Variants in GRAMD1A observed in about 807,000 individuals in gnomAD.
The protein encoded by GRAMD1A is protein Aster-A.
Under a neutral mutation model 92.0 loss-of-function variants are expected in GRAMD1A, and 50 were observed. That is an observed-to-expected ratio of 0.54 (90% CI 0.43 to 0.69). The LOEUF (loss-of-function observed/expected upper bound fraction) is 0.69, where lower values mean the gene tolerates loss of function less well. GRAMD1A is among the 30% of genes least tolerant of loss of function. The pLI, the probability that GRAMD1A is intolerant of heterozygous loss-of-function variation, is 0.00. For synonymous variants in GRAMD1A, 405 were observed against 403.6 expected, an observed-to-expected ratio of 1.00 and a Z score of -0.04; for missense variants, 819 against 978.9, an observed-to-expected ratio of 0.84 and a Z score of 2.18.
intron 7 of GRAMD1A, among the ~76,000 whole-genome samples, chr19:35,012,057 C>T (rs1056016477): frequency 6.6e-6 from 1 of 152,238 alleles, no homozygotes; most frequent in Non-Finnish European, 1.5e-5. Flanking sequence ...CCCGGGATTC[C>T]AGCCCCATCC....
Position 35,000,422 on chromosome 19 carries a change from A to ATCCCT in GRAMD1A, c.-57_-56insTCCCT. ...AGCGCAGCCCAGCCCCGCGCAGCCC[A>ATCCCT]GCCCTGCCCTGCCCTGCCCTGCCCT... On this transcript the variant is annotated 5_prime_UTR_variant, in exon 1 of 20. Transcript: ENST00000317991. The surrounding 1 kb of genome is among the most constrained non-coding windows in gnomAD (Gnocchi z 4.9). 2 of 1,138,098 alleles carry ATCCCT rather than the reference A, an allele frequency of 1.8e-6. No individual in the cohort carries two copies. The allele number at this position is 1,138,098 out of a possible 1,614,324, so 70.5% of individuals were successfully genotyped here. A position where few individuals can be genotyped will look rare whatever the true frequency, so the allele number is the denominator to read the frequency against.
intron 11 of GRAMD1A, among the ~76,000 whole-genome samples, chr19:35,017,109 AG>A (rs2015695282): frequency 6.6e-6 from 1 of 151,828 alleles, no homozygotes; most frequent in African/African-American, 2.4e-5. Flanking sequence ...CAGGAGGTGG[AG>A]GTTGCAGTGA....
In GRAMD1A at chr19:35,023,259, A is replaced by G. The variant is rs368505221; in HGVS notation, c.1877A>G (p.Asn626Ser). ...CVSLIILIAL[N>S]VLLFYRLWSL... ...AGCCTTATCATCCTCATCGCCCTCAACGTCCTGCTCTTCTACCGCCTCTGG... is the reference window on the plus strand; with the variant it reads ...AGCCTTATCATCCTCATCGCCCTCAGCGTCCTGCTCTTCTACCGCCTCTGG... Residue 626 changes from asparagine to serine, a missense_variant, in exon 18 of 20, where the codon AAC becomes AGC. Asn to Ser is a conservative substitution (Grantham distance 46). Coordinates refer to ENST00000317991, the MANE Select transcript of GRAMD1A (RefSeq NM_020895.5). 64 of 1,613,876 alleles carry G rather than the reference A, an allele frequency of 4.0e-5. No individual in the cohort carries two copies. Among genetic ancestry groups the G allele is most frequent in the Non-Finnish European group, 5.0e-5 (59 of 1,179,924 alleles).
At chr19:35,018,149 A>G in intron 11 of GRAMD1A, among the ~76,000 whole-genome samples, 1 of 151,824 alleles carries the variant, frequency 6.6e-6, no homozygotes, top group Middle Eastern at 3.2e-3. Context: ...CGTCACGCCC[A>G]GCTAATTTTT....
intron 16 of GRAMD1A, 96 bp downstream of exon 16, chr19:35,022,134 T>C: frequency 1.2e-6 from 1 of 831,252 alleles, no homozygotes; most frequent in Non-Finnish European, 1.9e-6. Context: ...AGCTCTCTGC[T>C]TAAGTGGGAG....
chr19:35,021,966 G>A lies in GRAMD1A; in HGVS notation c.1769G>A (p.Arg590His), dbSNP rs555755876. The change falls in exon 16 of 20, where the codon CGC (arginine) becomes CAC (histidine). Residue 590 changes from arginine to histidine, a missense_variant. Transcript: ENST00000317991. This position sits in a 1 kb window ranked among gnomAD's most constrained non-coding sequence, Gnocchi z 5.3. Reference protein sequence around the residue: ...GIHTSGSLSSRFSEPSVDQGP... With the variant: ...GIHTSGSLSSHFSEPSVDQGP... ...TCTCCTGCAGGCTCCCTCAGCTCCC[G>A]CTTCTCCGAACCATCTGTGGACCAG... 2.3e-5 allele frequency: 37 copies of A among 1,614,040 alleles called. No homozygotes were observed. Among genetic ancestry groups the A allele is most frequent in the Non-Finnish European group, 2.9e-5 (34 of 1,179,976 alleles).
chr19:35,013,470 G>T lies in GRAMD1A; in HGVS notation c.720-71G>T. 1.3e-6 allele frequency: 2 copies of T among 1,549,950 alleles called. No individual in the cohort carries two copies. Among genetic ancestry groups the T allele is most frequent in the Non-Finnish European group, 8.9e-7 (1 of 1,128,742 alleles). Reference sequence around the variant, plus strand: ...GGGGGGCCTGAGATGGTTGTATGACGTCTGGAGGATTCAGGAGGGTGTATG... The same window carrying T: ...GGGGGGCCTGAGATGGTTGTATGACTTCTGGAGGATTCAGGAGGGTGTATG... On this transcript the variant is annotated intron_variant, in intron 8 of 19. Transcript: ENST00000317991. The surrounding 1 kb of genome is among the most constrained non-coding windows in gnomAD (Gnocchi z 4.9).
intron 10 of GRAMD1A, chr19:35,015,158 G>C (rs184934467): frequency 6.6e-6 from 1 of 152,454 alleles, no homozygotes; most frequent in Admixed American, 6.5e-5. Flanking sequence ...GCAACAGAGC[G>C]AGACCCTGTC....
Position 35,000,652 on chromosome 19 carries a change from C to T in GRAMD1A, c.8+166C>T, listed in dbSNP as rs2014293198. 6.6e-6 allele frequency among the ~76,000 whole-genome samples: 1 copy of T among 151,608 alleles called. No homozygotes were observed. The highest frequency in any genetic ancestry group is 1.5e-5 in the Non-Finnish European group (1 of 67,812). On this transcript the variant is annotated intron_variant, in intron 1 of 19. Transcript: ENST00000317991. The surrounding 1 kb of genome is among the most constrained non-coding windows in gnomAD (Gnocchi z 4.9). Reference sequence around the variant, plus strand: ...ATCGGGGTGGGGGCGGGGCAGGGGGCCCCCGGGCGAGGGGTGCAGCTGGGG... The same window carrying T: ...ATCGGGGTGGGGGCGGGGCAGGGGGTCCCCGGGCGAGGGGTGCAGCTGGGG...
intron 5 of GRAMD1A, 29 bp from the exon 6 acceptor site, chr19:35,010,255 G>A (rs541200378): frequency 1.2e-5 from 19 of 1,590,652 alleles, no homozygotes; most frequent in East Asian, 8.9e-5. Context: ...GCCCCACCCC[G>A]CTCCTATTGA....
upstream of GRAMD1A, chr19:34,996,323 G>A (rs2151691781): frequency 6.8e-7 from 1 of 1,464,596 alleles, no homozygotes; most frequent in Non-Finnish European, 9.1e-7. Flanking sequence ...AGGAAAGAGG[G>A]TCTCTCTGTC....
At chr19:34,997,486 G>A (rs1439577694), upstream of GRAMD1A, among the ~76,000 whole-genome samples, 1 of 152,034 alleles carries the variant, frequency 6.6e-6, no homozygotes, top group East Asian at 1.9e-4. Flanking sequence ...CAAGGAGACA[G>A]GAAATGGGAG....
chr19:35,017,980 A>ATATTTATTTATT (rs34956636), intron 11 of GRAMD1A, among the ~76,000 whole-genome samples: 4 of 150,740 alleles, frequency 2.7e-5, no homozygotes, highest in Non-Finnish European at 4.4e-5. Context: ...TCATTAACAC[A>ATATTTATTTATT]TATTTATTTA....
In GRAMD1A at chr19:35,022,985, C is replaced by G. The variant is rs2016180080; in HGVS notation, c.1853+74C>G. 5.0e-6 allele frequency: 6 copies of G among 1,208,950 alleles called. 1 individual carries two copies. Among genetic ancestry groups the G allele is most frequent in the Middle Eastern group, 2.0e-4 (1 of 5,076 alleles). 74.9% of individuals were successfully genotyped at this position (1,208,950 alleles called of 1,614,324 possible). On this transcript the variant is annotated intron_variant, in intron 17 of 19. Transcript: ENST00000317991. ...CTGCTGCAGCCTCTTCTCCCCACCC[C>G]ATGCCCCCCAGCTCCCCCAGGGAGG...
intron 1 of GRAMD1A, among the ~76,000 whole-genome samples, chr19:35,005,388 C>T (rs2014734436): frequency 6.6e-6 from 1 of 151,894 alleles, no homozygotes; most frequent in Admixed American, 6.6e-5. Flanking sequence ...TGGGGGAGCC[C>T]TGTGGATGTG....
intron 11 of GRAMD1A, among the ~76,000 whole-genome samples, chr19:35,017,980 A>ATATT (rs34956636): frequency 0.28 from 42,250 of 150,654 alleles, 6,269 homozygotes; most frequent in Middle Eastern, 0.44. Context: ...TCATTAACAC[A>ATATT]TATTTATTTA....
Position 35,010,079 on chromosome 19 carries a change from C to T in GRAMD1A, c.326-13C>T, listed in dbSNP as rs1285142099. The T allele has an allele frequency of 6.3e-7, 1 of 1,585,818 alleles. No homozygotes were observed. The highest frequency in any genetic ancestry group is 8.7e-7 in the Non-Finnish European group (1 of 1,154,152). ...GACTTGGGTGTCCTCCTGTCTCTCC[C>T]CGCCCCTCTCAGATTACTCCTGCGC... On this transcript the variant is annotated splice_polypyrimidine_tract_variant and intron_variant, in intron 4 of 19. Transcript: ENST00000317991.
intron 1 of GRAMD1A, among the ~76,000 whole-genome samples, chr19:34,995,165 T>C (rs2013976165): frequency 6.6e-6 from 1 of 152,250 alleles, no homozygotes; most frequent in Non-Finnish European, 1.5e-5. Flanking sequence ...TCGGCCTCTC[T>C]GTCTGTCCGG....
rs373368538 is a variant in GRAMD1A at position 35,003,563 on chromosome 19, A to T, written c.8+3077A>T. Among the ~76,000 whole-genome samples the T allele has an allele frequency of 1.0e-3, 152 of 152,294 alleles. 3 individuals are homozygous for T. In the South Asian group the frequency reaches 0.03, roughly 31 times the overall value. The stretch of plus-strand genomic sequence containing the variant: ...GTCTGTGTGCCTTGAGCCTCTCTTC[A>T]GGATTCCGGCCCCCAGGCCCTGCCC... On this transcript the variant is annotated intron_variant, in intron 1 of 19. Transcript: ENST00000317991.
Sources: gnomAD v4.1 joint callset for allele counts (sites outside exome capture counted in the v4.1 genomes callset) on GRCh38, gnomAD v4.1.1 for gene constraint, Gnocchi (gnomAD v3.1) non-coding constraint, MANE v1.5 for transcripts, NCBI Gene and HGNC (gene_info 2026-07-23, HGNC 2026-07-21) for gene names.